The following LSM14A variants were observed in gnomAD, a reference collection of about 807,000 sequenced individuals.
LSM14A encodes protein LSM14 homolog A.
LSM14A carries 14 observed loss-of-function variants against 52.4 expected under a neutral mutation model. The ratio of observed to expected loss-of-function variants is 0.27; its 90% CI spans 0.18 to 0.42. LSM14A has a LOEUF of 0.42. Ranked by LOEUF, LSM14A falls within the 10% of genes least tolerant of loss-of-function variation. The pLI is 1.00. For synonymous variants in LSM14A, 185 were observed against 200.3 expected (o/e 0.92, Z 0.64); for missense variants, 417 against 581.8 (o/e 0.72, Z 2.91).
chr19:34,183,427 T>C (rs1252808104), intron 1 of LSM14A, among the ~76,000 whole-genome samples: 1 of 152,106 alleles, frequency 6.6e-6, no homozygotes, highest in Non-Finnish European at 1.5e-5. Context: ...GTTGTGCACC[T>C]GTAATCCCAG....
At chr19:34,212,797 A>G (rs889443906) in intron 4 of LSM14A, among the ~76,000 whole-genome samples, 22 of 152,208 alleles carry the variant, frequency 1.4e-4, no homozygotes, top group African/African-American at 4.6e-4. Flanking sequence ...AATAGTGAAA[A>G]GGCTTTTTAA....
At chr19:34,209,907 T>G (rs2145784443) in intron 4 of LSM14A, among the ~76,000 whole-genome samples, 1 of 152,118 alleles carries the variant, frequency 6.6e-6, no homozygotes, top group East Asian at 1.9e-4. Context: ...AGTGGCTATT[T>G]ACAGATGTGA....
intron 3 of LSM14A, among the ~76,000 whole-genome samples, chr19:34,197,525 A>G (rs374924532): frequency 6.3e-4 from 77 of 122,058 alleles, no homozygotes; most frequent in African/African-American, 2.2e-3. Flanking sequence ...TGCAACCTCC[A>G]CCTCCCAGGC....
At chr19:34,223,384 T>G (rs2073171754) in intron 9 of LSM14A, among the ~76,000 whole-genome samples, 1 of 152,144 alleles carries the variant, frequency 6.6e-6, no homozygotes, top group Admixed American at 6.5e-5. Context: ...TGGTGCTTGT[T>G]CCATCCTCCC....
intron 9 of LSM14A, among the ~76,000 whole-genome samples, chr19:34,223,206 A>G (rs922750839): frequency 3.3e-5 from 5 of 151,924 alleles, no homozygotes; most frequent in Admixed American, 6.6e-5. Flanking sequence ...TCAGCCTCCT[A>G]TGTAGCTGGG....
At chr19:34,221,021 A>G (rs1286998090) in intron 8 of LSM14A, among the ~76,000 whole-genome samples, 3 of 151,340 alleles carry the variant, frequency 2.0e-5, no homozygotes, top group Admixed American at 6.6e-5. Flanking sequence ...TTAACAGAAT[A>G]TTACAGGAAC....
intron 1 of LSM14A, among the ~76,000 whole-genome samples, chr19:34,187,388 C>T (rs1241444734): frequency 6.6e-6 from 1 of 151,920 alleles, no homozygotes; most frequent in African/African-American, 2.4e-5. Flanking sequence ...AGGCAATTCT[C>T]ATGCCTCAGC....
rs2073437684 is a variant in LSM14A at position 34,228,132 on chromosome 19, A to G, written c.*744A>G. On this transcript the variant is annotated 3_prime_UTR_variant, in exon 10 of 10. Coordinates refer to ENST00000544216, the MANE Select transcript of LSM14A (RefSeq NM_015578.4). ...CCTTGCAGAAGTTGATGTGCTGAGC[A>G]GCAGCCTTATGGGTGGGTCTTTTTT... The G allele has an allele frequency of 1.3e-5, 2 of 152,652 alleles. No homozygotes were observed. The highest frequency in any genetic ancestry group is 4.8e-5 in the African/African-American group (2 of 41,454). The allele number at this position is 152,652 out of a possible 1,614,324, so 9.5% of individuals were successfully genotyped here. A position where few individuals can be genotyped will look rare whatever the true frequency, so the allele number is the denominator to read the frequency against.
chr19:34,186,469 G>A (rs1280262318), intron 1 of LSM14A, among the ~76,000 whole-genome samples: 1 of 152,218 alleles, frequency 6.6e-6, no homozygotes, highest in East Asian at 1.9e-4. Flanking sequence ...TGAGCAAGGA[G>A]TTCTGCCAGC....
chr19:34,211,545 G>C (rs1266335090), intron 4 of LSM14A, among the ~76,000 whole-genome samples: 2 of 152,126 alleles, frequency 1.3e-5, no homozygotes, highest in Admixed American at 1.3e-4. Flanking sequence ...CCAGCACTTA[G>C]GGAGGCAAAG....
intron 3 of LSM14A, among the ~76,000 whole-genome samples, chr19:34,200,690 C>CT (rs2071226255): frequency 6.6e-6 from 1 of 152,002 alleles, no homozygotes; most frequent in Admixed American, 6.6e-5. Context: ...AAATTAATTC[C>CT]TTTTAGACTT....
chr19:34,202,717 G>T (rs945225460), intron 3 of LSM14A, among the ~76,000 whole-genome samples: 1 of 152,100 alleles, frequency 6.6e-6, no homozygotes, highest in South Asian at 2.1e-4. Context: ...GTGCAGTGGC[G>T]CATCTCCGCT....
At chr19:34,197,776 A>G (rs1232412507) in intron 3 of LSM14A, among the ~76,000 whole-genome samples, 1 of 152,176 alleles carries the variant, frequency 6.6e-6, no homozygotes, top group Non-Finnish European at 1.5e-5. Flanking sequence ...AAACATACAT[A>G]AGACATGCAC....
At chr19:34,216,651 G>A (rs760051020) in intron 6 of LSM14A, among the ~76,000 whole-genome samples, 4 of 152,090 alleles carry the variant, frequency 2.6e-5, no homozygotes, top group Non-Finnish European at 4.4e-5. Flanking sequence ...GTAGAAACAG[G>A]GCTTTGCCAT....
At chr19:34,196,528 T>C in intron 2 of LSM14A, 106 bp from the exon 3 acceptor site, 2 of 1,046,852 alleles carry the variant, frequency 1.9e-6, no homozygotes, top group South Asian at 2.1e-5. Flanking sequence ...TTATATCTAG[T>C]AGTTATAATT....
chr19:34,221,775 A>C, intron 9 of LSM14A, 37 bp downstream of exon 9: 2 of 1,580,646 alleles, frequency 1.3e-6, no homozygotes, highest in East Asian at 2.3e-5. Flanking sequence ...TGGGGTTGAC[A>C]TGCATTTTAC....
chr19:34,212,518 G>T (rs747774589), intron 4 of LSM14A, among the ~76,000 whole-genome samples: 1 of 152,134 alleles, frequency 6.6e-6, no homozygotes, highest in Non-Finnish European at 1.5e-5. Flanking sequence ...TTTATTAAAA[G>T]AAAGAGGTGT....
At chr19:34,194,358 A>C (rs1231859218) in intron 1 of LSM14A, 120 bp from the exon 2 acceptor site, 2 of 958,486 alleles carry the variant, frequency 2.1e-6, no homozygotes, top group Non-Finnish European at 3.1e-6. Flanking sequence ...AGATTAATGA[A>C]TACTTTCTCA....
intron 3 of LSM14A, among the ~76,000 whole-genome samples, chr19:34,207,250 A>T (rs551947181): frequency 2.6e-5 from 4 of 152,296 alleles, no homozygotes; most frequent in African/African-American, 9.6e-5. Flanking sequence ...AAGCAATGGG[A>T]GGCCAAGCCA....
Sources: allele counts gnomAD v4.1 joint callset (sites outside exome capture counted in the v4.1 genomes callset), GRCh38; gene constraint gnomAD v4.1.1; transcripts MANE v1.5; gene names NCBI Gene and HGNC (gene_info 2026-07-23, HGNC 2026-07-21).